UBE2D1: variants seen among roughly 807,000 people sequenced by gnomAD.
UBE2D1 encodes the protein ubiquitin-conjugating enzyme E2 D1.
UBE2D1 carries 9 observed loss-of-function variants against 24.6 expected under a neutral mutation model. That is an observed-to-expected ratio of 0.37 (90% CI 0.22 to 0.64). The LOEUF (loss-of-function observed/expected upper bound fraction) is 0.64, where lower values mean the gene tolerates loss of function less well. UBE2D1 is among the 30% of genes least tolerant of loss of function. The pLI is 0.64. For synonymous variants in UBE2D1, 57 were observed against 57.6 expected, an observed-to-expected ratio of 0.99 and a Z score of 0.04; for missense variants, 87 against 177.1, an observed-to-expected ratio of 0.49 and a Z score of 2.89.
At chr10:58,362,903 G>A (rs1045932585) in intron 3 of UBE2D1, among the ~76,000 whole-genome samples, 1 of 151,846 alleles carries the variant, frequency 6.6e-6, no homozygotes, top group African/African-American at 2.4e-5. Context: ...TAGTTTGCTA[G>A]CATTTTCTTT....
intron 1 of UBE2D1, among the ~76,000 whole-genome samples, chr10:58,348,305 T>G (rs1164691550): frequency 2.6e-5 from 4 of 152,248 alleles, no homozygotes; most frequent in African/African-American, 7.2e-5. Context: ...TTGAAATAGC[T>G]CTAGTCAACT....
chr10:58,363,035 G>A (rs1229758977), intron 3 of UBE2D1, among the ~76,000 whole-genome samples: 1 of 151,832 alleles, frequency 6.6e-6, no homozygotes, highest in East Asian at 1.9e-4. Context: ...ATATAATTTT[G>A]TTTTGGATTT....
At chr10:58,344,921 G>A (rs1019140774) in intron 1 of UBE2D1, among the ~76,000 whole-genome samples, 1 of 151,074 alleles carries the variant, frequency 6.6e-6, no homozygotes, top group African/African-American at 2.4e-5. Flanking sequence ...CTGGACTGCA[G>A]TGGCATGATC....
rs115390870 is a variant in UBE2D1, at chr10:58,351,935, A to G, written c.25-9403A>G. Among the ~76,000 whole-genome samples the G allele has an allele frequency of 6.6e-3, 1,007 of 152,262 alleles. 13 individuals carry two copies. Among genetic ancestry groups the G allele is most frequent in the African/African-American group, 0.022 (913 of 41,548 alleles). On this transcript the variant is annotated intron_variant, in intron 1 of 6. Transcript: ENST00000373910. ...ATTTTATGTGACCACTATATATGCA[A>G]TCAGTTGATTGAGACATTATGTGGC...
At chr10:58,350,260 A>G (rs779464217) in intron 1 of UBE2D1, among the ~76,000 whole-genome samples, 14 of 152,146 alleles carry the variant, frequency 9.2e-5, no homozygotes, top group Non-Finnish European at 1.9e-4. Context: ...ATTTGCTTCA[A>G]ATCTTTGCCA....
chr10:58,346,976 C>T (rs900967499), intron 1 of UBE2D1, among the ~76,000 whole-genome samples: 3 of 152,202 alleles, frequency 2.0e-5, no homozygotes, highest in Admixed American at 2.0e-4. Context: ...TCTATGCCTA[C>T]ACCTTCTTGG....
intron 1 of UBE2D1, among the ~76,000 whole-genome samples, chr10:58,346,420 ATTC>A (rs1198650376): frequency 1.3e-5 from 2 of 152,216 alleles, no homozygotes; most frequent in East Asian, 3.8e-4. Context: ...TGCATGGAGT[ATTC>A]TAGGAATATA....
chr10:58,364,595 C>T, intron 4 of UBE2D1, 176 bp from the exon 5 acceptor site: 1 of 516,970 alleles, frequency 1.9e-6, no homozygotes, highest in South Asian at 2.8e-5. Context: ...CACATTCTCA[C>T]TAGCTAGAAC....
At chr10:58,349,613 TTA>T (rs1840051479) in intron 1 of UBE2D1, among the ~76,000 whole-genome samples, 1 of 152,210 alleles carries the variant, frequency 6.6e-6, no homozygotes, top group South Asian at 2.1e-4. Flanking sequence ...GCCCTTTTTT[TTA>T]TGTTATCATT....
intron 1 of UBE2D1, 113 bp downstream of exon 1, chr10:58,335,338 G>C: frequency 7.9e-7 from 1 of 1,266,086 alleles, no homozygotes; most frequent in South Asian, 1.6e-5. Flanking sequence ...AGGGTGGGCC[G>C]GGGTGCGGGC....
At chr10:58,343,530 C>T (rs760321794) in intron 1 of UBE2D1, among the ~76,000 whole-genome samples, 4 of 152,076 alleles carry the variant, frequency 2.6e-5, no homozygotes, top group African/African-American at 4.8e-5. Context: ...TACAACCATA[C>T]ATATACATGT....
At chr10:58,344,418 A>C (rs948141361) in intron 1 of UBE2D1, among the ~76,000 whole-genome samples, 3 of 152,072 alleles carry the variant, frequency 2.0e-5, no homozygotes, top group Non-Finnish European at 4.4e-5. Context: ...TATACTCCTC[A>C]CTTGGAAACT....
chr10:58,359,013 TAAAAAA>T lies in UBE2D1; in HGVS notation c.25-2311_25-2306del, dbSNP rs35713196. ...AGGAAGAGAAACCGCACCAGCTATT[TAAAAAA>T]AAAAAAAAAAAAAGCAAAACAAAAA... On this transcript the variant is annotated intron_variant, in intron 1 of 6. Transcript: ENST00000373910. Among the ~76,000 whole-genome samples the T allele has an allele frequency of 4.3e-5, 5 of 115,152 alleles. No homozygotes were observed. In the East Asian group the frequency reaches 7.8e-4, roughly 18 times the overall value. 75.5% of individuals were successfully genotyped at this position (115,152 alleles called of 152,430 possible).
chr10:58,349,491 A>G (rs1327671243), intron 1 of UBE2D1, among the ~76,000 whole-genome samples: 4 of 152,228 alleles, frequency 2.6e-5, no homozygotes, highest in Admixed American at 6.5e-5. Flanking sequence ...CACAAAATAT[A>G]TGTATACTCA....
chr10:58,349,689 A>G (rs1840052292), intron 1 of UBE2D1, among the ~76,000 whole-genome samples: 1 of 152,152 alleles, frequency 6.6e-6, no homozygotes, highest in Non-Finnish European at 1.5e-5. Flanking sequence ...TTTCAGTTAT[A>G]CAGACATAAG....
chr10:58,338,523 C>T (rs1839927530), intron 1 of UBE2D1, among the ~76,000 whole-genome samples: 1 of 152,106 alleles, frequency 6.6e-6, no homozygotes, highest in South Asian at 2.1e-4. Flanking sequence ...AGTTTTTCAC[C>T]TAGGTATCTA....
At chr10:58,355,959 A>C (rs986505652) in intron 1 of UBE2D1, among the ~76,000 whole-genome samples, 1 of 152,160 alleles carries the variant, frequency 6.6e-6, no homozygotes, top group African/African-American at 2.4e-5. Context: ...AATCTGTGAC[A>C]GTACCTCAGT....
At chr10:58,343,207 C>T (rs1839981430) in intron 1 of UBE2D1, among the ~76,000 whole-genome samples, 1 of 152,106 alleles carries the variant, frequency 6.6e-6, no homozygotes, top group Admixed American at 6.5e-5. Context: ...TATCTATTGA[C>T]TGTAGGTTAT....
chr10:58,360,186 C>T (rs1840178660), intron 1 of UBE2D1, among the ~76,000 whole-genome samples: 1 of 152,198 alleles, frequency 6.6e-6, no homozygotes. Context: ...CTCCCAGTAT[C>T]ACTCTTTTCC....
Sources: allele counts gnomAD v4.1 joint callset (sites outside exome capture counted in the v4.1 genomes callset), GRCh38; gene constraint gnomAD v4.1.1; transcripts MANE v1.5; gene names NCBI Gene and HGNC (gene_info 2026-07-23, HGNC 2026-07-21).